GRM4: variants seen among roughly 807,000 people sequenced by gnomAD.
GRM4 encodes metabotropic glutamate receptor 4.
A neutral mutation model predicts 81.7 loss-of-function variants in GRM4; 28 were observed. The ratio of observed to expected loss-of-function variants is 0.34; its 90% CI spans 0.25 to 0.47. GRM4 has a LOEUF of 0.47. Ranked by LOEUF, GRM4 falls within the 20% of genes least tolerant of loss-of-function variation. GRM4 has a pLI of 1.00. For missense variants in GRM4, 948 were observed against 1,290.0 expected, an observed-to-expected ratio of 0.73 and a Z score of 4.06; for synonymous variants, 488 against 528.8, an observed-to-expected ratio of 0.92 and a Z score of 1.06.
chr6:34,118,068 T>C (rs1769666706), intron 2 of GRM4, among the ~76,000 whole-genome samples: 1 of 152,182 alleles, frequency 6.6e-6, no homozygotes, highest in Non-Finnish European at 1.5e-5. Flanking sequence ...GTGATCTCAA[T>C]TTGGTAAATT....
At chr6:34,137,513 G>A (rs567940945) in intron 1 of GRM4, among the ~76,000 whole-genome samples, 82 of 152,288 alleles carry the variant, frequency 5.4e-4, no homozygotes, top group Non-Finnish European at 1.0e-3. Flanking sequence ...TCCCAGCTGG[G>A]ACCTCTCTGT....
Position 34,036,048 on chromosome 6 carries a change from C to T in GRM4, c.2062G>A (p.Val688Ile), listed in dbSNP as rs1007001494. Residue 688 changes from valine (V) to isoleucine (I), a missense_variant, in exon 9 of 11, where the codon GTC becomes ATC. Physicochemically the swap from Val to Ile is conservative, Grantham distance 29. Transcript: ENST00000538487. The surrounding 1 kb of genome is among the most constrained non-coding windows in gnomAD (Gnocchi z 9.0). ...YRIFEQGKRS[V>I]SAPRFISPAS... The stretch of plus-strand genomic sequence containing the variant: ...GGGCTGATGAAGCGTGGGGCACTGA[C>T]CGAGCGCTTGCCCTGCTCGAAGATG... The T allele has an allele frequency of 1.9e-6, 3 of 1,614,130 alleles. No individual in the cohort carries two copies. Among genetic ancestry groups the T allele is most frequent in the East Asian group, 2.2e-5 (1 of 44,886 alleles).
chr6:34,107,264 GGTAAGCTT>G (rs1234777221), intron 2 of GRM4, among the ~76,000 whole-genome samples: 1 of 152,152 alleles, frequency 6.6e-6, no homozygotes, highest in East Asian at 1.9e-4. Context: ...AGGTACTCAT[GGTAAGCTT>G]CCACTCCCTC....
intron 10 of GRM4, among the ~76,000 whole-genome samples, chr6:34,027,587 G>C (rs376943603): frequency 2.8e-4 from 42 of 152,214 alleles, no homozygotes; most frequent in Admixed American, 1.3e-4. Flanking sequence ...TGCCTGCTAG[G>C]GGGTGGCTGA....
intron 2 of GRM4, chr6:34,102,122 T>C (rs1768874097): frequency 6.5e-7 from 1 of 1,535,622 alleles, no homozygotes; most frequent in East Asian, 2.4e-5. Flanking sequence ...TTGCACCATC[T>C]TGCAGCCAGC....
intron 2 of GRM4, among the ~76,000 whole-genome samples, chr6:34,122,371 C>T (rs1769845116): frequency 6.6e-6 from 1 of 151,978 alleles, no homozygotes; most frequent in Non-Finnish European, 1.5e-5. Flanking sequence ...AACTGTGTTC[C>T]GGCTCCCCTC....
At position 34,046,176 on chromosome 6, in the gene GRM4, G is replaced by T. The variant is rs75485481; in HGVS notation, c.1169-5428C>A. Among the ~76,000 whole-genome samples the T allele has an allele frequency of 5.4e-3, 815 of 152,192 alleles. 4 individuals carry two copies. The highest frequency in any genetic ancestry group is 0.018 in the African/African-American group (762 of 41,506). On this transcript the variant is annotated intron_variant, in intron 6 of 10. Transcript: ENST00000538487. ...CACATTGCTGAAGCAGCTCCCTCACGCCAGGGTAGACAAAATCCACCACAC... is the reference window on the plus strand; with the variant it reads ...CACATTGCTGAAGCAGCTCCCTCACTCCAGGGTAGACAAAATCCACCACAC...
chr6:34,132,201 G>A (rs1770272057), intron 2 of GRM4, among the ~76,000 whole-genome samples: 1 of 152,180 alleles, frequency 6.6e-6, no homozygotes, highest in African/African-American at 2.4e-5. Flanking sequence ...ATTCCAGAAG[G>A]AAAGGGAGAA....
At chr6:34,153,899 C>T (rs1771094914) in intron 1 of GRM4, among the ~76,000 whole-genome samples, 1 of 148,014 alleles carries the variant, frequency 6.8e-6, no homozygotes, top group Admixed American at 6.8e-5. Flanking sequence ...TGCACTCCAA[C>T]CTGACAACAG....
At chr6:34,037,649 G>A (rs1026144550) in intron 8 of GRM4, among the ~76,000 whole-genome samples, 3 of 152,112 alleles carry the variant, frequency 2.0e-5, no homozygotes, top group African/African-American at 4.8e-5. Context: ...AGGATCATGA[G>A]GTCAAGAGAT....
intron 3 of GRM4, among the ~76,000 whole-genome samples, chr6:34,085,258 CT>C: frequency 6.6e-6 from 1 of 152,344 alleles, no homozygotes; most frequent in Non-Finnish European, 1.5e-5. Context: ...GACTGAGCCT[CT>C]TTCCCTTCCT....
At position 34,047,109 on chromosome 6, in the gene GRM4, C is replaced by G. The variant is rs1048270632; in HGVS notation, c.1169-6361G>C. Reference sequence around the variant, plus strand: ...GAATTCCGGATAGTAAGACTTACTTCGAGGGGCCACTGGGAGGACTGAGGG... The same window carrying G: ...GAATTCCGGATAGTAAGACTTACTTGGAGGGGCCACTGGGAGGACTGAGGG... On this transcript the variant is annotated intron_variant, in intron 6 of 10. Coordinates refer to ENST00000538487, the MANE Select transcript of GRM4 (RefSeq NM_000841.4). The surrounding 1 kb of genome is among the most constrained non-coding windows in gnomAD (Gnocchi z 4.5). 6.6e-6 allele frequency among the ~76,000 whole-genome samples: 1 copy of G among 152,070 alleles called. No homozygotes were observed. The highest frequency in any genetic ancestry group is 1.5e-5 in the Non-Finnish European group (1 of 68,010).
chr6:34,107,392 G>A (rs992851401), intron 2 of GRM4, among the ~76,000 whole-genome samples: 7 of 152,136 alleles, frequency 4.6e-5, no homozygotes, highest in Non-Finnish European at 8.8e-5. Context: ...CAAGCACCAG[G>A]AGGCCACAGT....
At chr6:34,119,978 A>G (rs1234611128) in intron 2 of GRM4, among the ~76,000 whole-genome samples, 1 of 152,144 alleles carries the variant, frequency 6.6e-6, no homozygotes, top group Non-Finnish European at 1.5e-5. Context: ...GTTTCTCTGG[A>G]AGGGTGCGCA....
chr6:34,103,181 C>T (rs975450475), intron 2 of GRM4, among the ~76,000 whole-genome samples: 3 of 152,214 alleles, frequency 2.0e-5, no homozygotes, highest in Admixed American at 1.3e-4. Context: ...GGAAAACAAG[C>T]GGACACTTGG....
intron 6 of GRM4, among the ~76,000 whole-genome samples, chr6:34,041,923 C>A (rs527371186): frequency 6.6e-6 from 1 of 152,328 alleles, no homozygotes; most frequent in Non-Finnish European, 1.5e-5. Context: ...TGATTTCTCA[C>A]AACAATGCTA....
At chr6:34,124,109 G>A (rs1187243159) in intron 2 of GRM4, among the ~76,000 whole-genome samples, 2 of 152,148 alleles carry the variant, frequency 1.3e-5, no homozygotes, top group Non-Finnish European at 2.9e-5. Context: ...CTGGTGACTT[G>A]TCCTCCCACG....
At chr6:34,031,793 G>A (rs1466762811) in intron 9 of GRM4, among the ~76,000 whole-genome samples, 1 of 152,210 alleles carries the variant, frequency 6.6e-6, no homozygotes, top group Non-Finnish European at 1.5e-5. Flanking sequence ...CTCTGTGACA[G>A]CACCTGAACC....
intron 3 of GRM4, among the ~76,000 whole-genome samples, chr6:34,083,363 T>C (rs2127480086): frequency 6.6e-6 from 1 of 152,324 alleles, no homozygotes; most frequent in East Asian, 1.9e-4. Context: ...GCGTGGTTCA[T>C]CTTCACAACA....
Sources: gnomAD v4.1 joint callset for allele counts (sites outside exome capture counted in the v4.1 genomes callset) on GRCh38, gnomAD v4.1.1 for gene constraint, Gnocchi (gnomAD v3.1) non-coding constraint, MANE v1.5 for transcripts, NCBI Gene and HGNC (gene_info 2026-07-23, HGNC 2026-07-21) for gene names.